The following KIAA1217 variants were observed in gnomAD, a reference collection of about 807,000 sequenced individuals.
KIAA1217 encodes KIAA1217.
In KIAA1217, 88 loss-of-function variants were observed where a neutral mutation model predicts 163.9. The observed-to-expected ratio is 0.54, with a 90% CI of 0.45 to 0.64. The LOEUF (loss-of-function observed/expected upper bound fraction) is 0.64, where lower values mean the gene tolerates loss of function less well. Among genes scored for constraint, KIAA1217 ranks in the 30% least tolerant of loss-of-function variants. The pLI is 0.00. For missense variants in KIAA1217, 2,372 were observed against 2,475.0 expected, an observed-to-expected ratio of 0.96 and a Z score of 0.88; for synonymous variants, 903 against 923.1, an observed-to-expected ratio of 0.98 and a Z score of 0.39.
At chr10:23,942,206 C>T (rs1843803633) in intron 1 of KIAA1217, among the ~76,000 whole-genome samples, 1 of 152,066 alleles carries the variant, frequency 6.6e-6, no homozygotes, top group African/African-American at 2.4e-5. Flanking sequence ...AGATAAAAAA[C>T]TGACTAGAAA....
At chr10:24,235,373 A>G (rs1372568938) in intron 2 of KIAA1217, among the ~76,000 whole-genome samples, 1 of 152,212 alleles carries the variant, frequency 6.6e-6, no homozygotes, top group Non-Finnish European at 1.5e-5. Context: ...CACAGAGCCA[A>G]AGATCAAGGG....
chr10:24,263,550 A>G (rs1337792110), intron 2 of KIAA1217, among the ~76,000 whole-genome samples: 2 of 152,198 alleles, frequency 1.3e-5, no homozygotes, highest in Non-Finnish European at 2.9e-5. Flanking sequence ...CTTGACTCCA[A>G]GGACATTTTA....
chr10:24,026,501 T>A (rs183301034), intron 2 of KIAA1217, among the ~76,000 whole-genome samples: 4 of 152,052 alleles, frequency 2.6e-5, no homozygotes, highest in African/African-American at 9.6e-5. Flanking sequence ...AGCTTCTATC[T>A]TCAAAACAAG....
intron 1 of KIAA1217, among the ~76,000 whole-genome samples, chr10:23,764,381 T>A (rs147811997): frequency 6.6e-6 from 1 of 152,304 alleles, no homozygotes; most frequent in Admixed American, 6.5e-5. Flanking sequence ...TCAACCATTG[T>A]GGAAAACAGT....
intron 2 of KIAA1217, among the ~76,000 whole-genome samples, chr10:24,302,376 A>C (rs1364301092): frequency 2.0e-5 from 3 of 152,158 alleles, no homozygotes; most frequent in African/African-American, 7.2e-5. Flanking sequence ...TCTTGATCAT[A>C]GTGTCATTCT....
chr10:24,338,579 A>C (rs1296240359), intron 2 of KIAA1217, among the ~76,000 whole-genome samples: 1 of 152,258 alleles, frequency 6.6e-6, no homozygotes, highest in Non-Finnish European at 1.5e-5. Context: ...CTTCTTAAGA[A>C]GCTGAGCATG....
intron 2 of KIAA1217, among the ~76,000 whole-genome samples, chr10:24,067,762 A>T (rs200906933): frequency 6.6e-6 from 1 of 151,882 alleles, no homozygotes; most frequent in Admixed American, 6.6e-5. Context: ...AGAGGCAGGC[A>T]GGCCTCCTTG....
At chr10:24,424,052 A>G (rs1230280177) in intron 3 of KIAA1217, among the ~76,000 whole-genome samples, 2 of 151,958 alleles carry the variant, frequency 1.3e-5, no homozygotes, top group African/African-American at 2.4e-5. Flanking sequence ...GTGAAATCCA[A>G]GAGTAAAGTT....
intron 1 of KIAA1217, among the ~76,000 whole-genome samples, chr10:23,885,681 G>A (rs1445851869): frequency 2.0e-5 from 3 of 151,874 alleles, no homozygotes; most frequent in Non-Finnish European, 2.9e-5. Context: ...ATAAATATTC[G>A]TGGAACTGAT....
At chr10:24,082,203 C>G (rs1428805828) in intron 2 of KIAA1217, among the ~76,000 whole-genome samples, 1 of 152,000 alleles carries the variant, frequency 6.6e-6, no homozygotes, top group Non-Finnish European at 1.5e-5. Flanking sequence ...GCCAGCTGGG[C>G]CTTTGTTCTC....
intron 1 of KIAA1217, among the ~76,000 whole-genome samples, chr10:23,831,946 C>T (rs1013982798): frequency 2.0e-5 from 3 of 152,116 alleles, no homozygotes; most frequent in Non-Finnish European, 4.4e-5. Context: ...CCCTCATGCA[C>T]CACTCAACAC....
chr10:24,414,715 C>T (rs910980448), intron 3 of KIAA1217, among the ~76,000 whole-genome samples: 1 of 152,198 alleles, frequency 6.6e-6, no homozygotes, highest in Non-Finnish European at 1.5e-5. Flanking sequence ...TGCGGACTCG[C>T]CCCACCCACC....
chr10:23,915,875 AAGG>A (rs1180150375), intron 1 of KIAA1217, among the ~76,000 whole-genome samples: 1 of 152,140 alleles, frequency 6.6e-6, no homozygotes, highest in African/African-American at 2.4e-5. Flanking sequence ...TTTCTCTGTC[AAGG>A]AGAAGGTCCT....
At chr10:24,449,367 G>A (rs542311851) in intron 5 of KIAA1217, 1 of 650,336 alleles carries the variant, frequency 1.5e-6, no homozygotes, top group East Asian at 1.4e-4. Context: ...ATGACAACAT[G>A]AGCCATATTG....
chr10:23,778,955 C>T (rs544271578), intron 1 of KIAA1217, among the ~76,000 whole-genome samples: 1 of 152,062 alleles, frequency 6.6e-6, no homozygotes, highest in African/African-American at 2.4e-5. Context: ...GACTATACAA[C>T]TATTTATTTA....
chr10:24,111,727 A>G (rs753259326), intron 2 of KIAA1217, among the ~76,000 whole-genome samples: 6 of 152,110 alleles, frequency 3.9e-5, no homozygotes, highest in Non-Finnish European at 8.8e-5. Flanking sequence ...TGCAGCAAAA[A>G]TTTCAGATGA....
intron 1 of KIAA1217, among the ~76,000 whole-genome samples, chr10:23,936,132 G>C (rs937400718): frequency 6.6e-6 from 1 of 152,154 alleles, no homozygotes; most frequent in East Asian, 1.9e-4. Flanking sequence ...CCTCACAGGA[G>C]GGAAGCAGGT....
intron 10 of KIAA1217, among the ~76,000 whole-genome samples, chr10:24,518,851 G>A (rs1326733479): frequency 6.6e-6 from 1 of 152,132 alleles, no homozygotes; most frequent in Admixed American, 6.6e-5. Context: ...TCTCCCTCTG[G>A]TCCTGAAGTA....
intron 1 of KIAA1217, among the ~76,000 whole-genome samples, chr10:23,749,010 G>A (rs192860287): frequency 6.9e-4 from 105 of 152,198 alleles, no homozygotes; most frequent in Admixed American, 2.0e-3. Flanking sequence ...CCTAGAGCTC[G>A]TCATCACCTG....
Sources: gnomAD v4.1 joint callset for allele counts (sites outside exome capture counted in the v4.1 genomes callset) on GRCh38, gnomAD v4.1.1 for gene constraint, MANE v1.5 for transcripts, NCBI Gene and HGNC (gene_info 2026-07-23, HGNC 2026-07-21) for gene names.